MROH1: variants seen among roughly 807,000 people sequenced by gnomAD.
The protein encoded by MROH1 is maestro heat-like repeat-containing protein family member 1.
MROH1 carries 117 observed loss-of-function variants against 116.5 expected under a neutral mutation model. The observed-to-expected ratio is 1.00, with a 90% CI of 0.86 to 1.17. The LOEUF is 1.17. Ranked by LOEUF, MROH1 falls within the 50% of genes most tolerant of loss-of-function variation. The probability of loss-of-function intolerance (pLI) is 0.00; values close to 1 mark genes in which losing one functional copy is unlikely to be tolerated. For synonymous variants in MROH1, 921 were observed against 583.9 expected (o/e 1.58, Z -8.32); for missense variants, 1,873 against 1,338.5 (o/e 1.40, Z -6.23).
intron 22 of MROH1, 80 bp downstream of exon 22, chr8:144,241,597 A>T (rs1420979061): frequency 1.6e-5 from 12 of 771,476 alleles, no homozygotes; most frequent in Non-Finnish European, 2.9e-5. Context: ...TGCGGGCTGG[A>T]GTGGGGCAGG....
chr8:144,189,664 C>T (rs1270181333), intron 7 of MROH1, among the ~76,000 whole-genome samples: 1 of 152,212 alleles, frequency 6.6e-6, no homozygotes, highest in Non-Finnish European at 1.5e-5. Flanking sequence ...GCCGCCCACC[C>T]GTGGGAGGGC....
Position 144,207,741 on chromosome 8 carries a change from A to G in MROH1, c.1141+7200A>G, listed in dbSNP as rs1425486318. 3.3e-5 allele frequency among the ~76,000 whole-genome samples: 5 copies of G among 152,190 alleles called. 1 individual carries two copies. The highest frequency in any genetic ancestry group is 7.3e-5 in the Non-Finnish European group (5 of 68,044). ...TTTTGTAGTGTTCTTTATTGGATACATAGAGACATAAATATATGTTTTTAT... is the reference window on the plus strand; with the variant it reads ...TTTTGTAGTGTTCTTTATTGGATACGTAGAGACATAAATATATGTTTTTAT... On this transcript the variant is annotated intron_variant, in intron 12 of 43. Transcript: ENST00000326134.
intron 10 of MROH1, among the ~76,000 whole-genome samples, chr8:144,193,796 A>G (rs892928928): frequency 5.3e-5 from 8 of 151,916 alleles, no homozygotes; most frequent in African/African-American, 1.9e-4. Flanking sequence ...TTTAGTAGAG[A>G]TGGGGTTTCA....
chr8:144,245,038 C>T, intron 28 of MROH1, 118 bp from the exon 29 acceptor site: 2 of 749,410 alleles, frequency 2.7e-6, no homozygotes, highest in Non-Finnish European at 4.9e-6. Flanking sequence ...CCGGCTTGGC[C>T]CCCTGTAGCC....
At chr8:144,172,421 T>C (rs1822699031) in intron 4 of MROH1, among the ~76,000 whole-genome samples, 2 of 151,706 alleles carry the variant, frequency 1.3e-5, no homozygotes, top group African/African-American at 4.8e-5. Context: ...TTCTTTTTTT[T>C]TTTCCCCCGA....
At position 144,260,679 on chromosome 8, in the gene MROH1, G is replaced by C; in HGVS notation, c.4383G>C (p.Glu1461Asp). The C allele has an allele frequency of 1.3e-6, 1 of 779,100 alleles. No individual in the cohort carries two copies. Among genetic ancestry groups the C allele is most frequent in the South Asian group, 1.3e-5 (1 of 74,604 alleles). 48.3% of individuals were successfully genotyped at this position (779,100 alleles called of 1,614,324 possible). A position where few individuals can be genotyped will look rare whatever the true frequency, so the allele number is the denominator to read the frequency against. ...AIRIRPFFDS[E>D]KMEFRTASIR... is the part of the protein sequence containing the mutation. ...CGTATGCTGCATGTCCTTCCCAGGA[G>C]AAGATGGAGTTCCGGACGGCATCTA... The change falls in exon 40 of 44, where the codon GAG becomes GAC. Residue 1461 changes from glutamate (E) to aspartate (D), a missense_variant and splice_region_variant. By Grantham distance (45) the Glu-to-Asp change is conservative (BLOSUM62 2). Transcript: ENST00000326134.
chr8:144,160,588 C>T (rs112946522), intron 1 of MROH1, among the ~76,000 whole-genome samples: 37 of 147,696 alleles, frequency 2.5e-4, no homozygotes, highest in African/African-American at 8.8e-4. Flanking sequence ...ACCCAGGCAC[C>T]AGACAAATTT....
intron 14 of MROH1, among the ~76,000 whole-genome samples, 163 bp from the exon 15 acceptor site, chr8:144,238,593 G>A (rs1383613104): frequency 6.6e-6 from 1 of 152,216 alleles, no homozygotes; most frequent in Non-Finnish European, 1.5e-5. Flanking sequence ...TGCTTTCTTG[G>A]GTGATCTTAG....
At chr8:144,154,672 T>G (rs1441898667) in intron 1 of MROH1, among the ~76,000 whole-genome samples, 3 of 151,704 alleles carry the variant, frequency 2.0e-5, no homozygotes, top group Non-Finnish European at 4.4e-5. Context: ...CATCTTTTTT[T>G]TTTTTTTTTT....
rs1327217261 is a variant in MROH1, at chr8:144,251,034, C to T, written c.3428+668C>T. 15 of 167,274 alleles carry T rather than the reference C, an allele frequency of 9.0e-5. No individual in the cohort carries two copies. The East Asian group carries it at 2.4e-3, about 27-fold the overall frequency. The allele number at this position is 167,274 out of a possible 1,614,324, so 10.4% of individuals were successfully genotyped here. ...CCCAGGGGCACCTGGCTTCCTGTGA[C>T]CTCCGGGAGACTCCATGCTGGGCAA... On this transcript the variant is annotated intron_variant, in intron 33 of 43. Coordinates refer to ENST00000326134, the MANE Select transcript of MROH1 (RefSeq NM_032450.3).
intron 1 of MROH1, among the ~76,000 whole-genome samples, chr8:144,159,544 C>A (rs911636237): frequency 1.2e-4 from 18 of 152,296 alleles, no homozygotes; most frequent in African/African-American, 2.9e-4. Flanking sequence ...TTTCTTGTAA[C>A]TAATGCCAGC....
At chr8:144,201,863 T>TA (rs1564462563) in intron 12 of MROH1, among the ~76,000 whole-genome samples, 17 of 152,052 alleles carry the variant, frequency 1.1e-4, no homozygotes, top group East Asian at 1.9e-4. Context: ...AAATATATAT[T>TA]AAAAAAAATT....
In MROH1 at chr8:144,191,698, C is replaced by T. The variant is rs371413074; in HGVS notation, c.715-17C>T. ...TGACTGAGCAGCGTAAGCTTCCCGC[C>T]CACTGTCCCCTCTCAGCTCCGTCTT... On this transcript the variant is annotated splice_polypyrimidine_tract_variant and intron_variant, in intron 8 of 43. Coordinates refer to ENST00000326134, the MANE Select transcript of MROH1 (RefSeq NM_032450.3). 1.9e-6 allele frequency: 3 copies of T among 1,611,484 alleles called. No homozygotes were observed. Among genetic ancestry groups the T allele is most frequent in the Non-Finnish European group, 1.7e-6 (2 of 1,179,466 alleles).
At chr8:144,203,514 G>C (rs1362933763) in intron 12 of MROH1, among the ~76,000 whole-genome samples, 1 of 151,302 alleles carries the variant, frequency 6.6e-6, no homozygotes, top group Admixed American at 6.6e-5. Flanking sequence ...GGGAGTGCCT[G>C]CTCTCTGTGG....
chr8:144,159,438 G>GT (rs1207240497), intron 1 of MROH1, among the ~76,000 whole-genome samples: 4 of 152,156 alleles, frequency 2.6e-5, no homozygotes, highest in Non-Finnish European at 4.4e-5. Context: ...ATTTTTATTA[G>GT]TTTTGGCTTT....
At chr8:144,261,621 C>T in intron 43 of MROH1, 34 bp from the exon 44 acceptor site, 1 of 702,660 alleles carries the variant, frequency 1.4e-6, no homozygotes. Context: ...GCCGAGGTCA[C>T]AGCCCGCAGG....
chr8:144,206,149 A>G (rs1168610622), intron 12 of MROH1, among the ~76,000 whole-genome samples: 1 of 152,144 alleles, frequency 6.6e-6, no homozygotes, highest in Non-Finnish European at 1.5e-5. Flanking sequence ...TCACGGGTTC[A>G]AGGGATCTTC....
At chr8:144,156,705 T>A (rs1818183642) in intron 1 of MROH1, among the ~76,000 whole-genome samples, 1 of 26,726 alleles carries the variant, frequency 3.7e-5, no homozygotes, top group Non-Finnish European at 6.7e-5. Flanking sequence ...CAAGACTCTG[T>A]CTCAAAAAAA....
In MROH1 at chr8:144,180,246, C is replaced by T. The variant is rs1323050902; in HGVS notation, c.369C>T (p.Ser123=). 6.8e-6 allele frequency: 11 copies of T among 1,613,108 alleles called. No homozygotes were observed. The South Asian group carries it at 1.2e-4, about 18-fold the overall frequency. The change falls in exon 6 of 44, where the codon AGC becomes AGT. Residue 123 remains serine, a synonymous_variant. Coordinates refer to ENST00000326134, the MANE Select transcript of MROH1 (RefSeq NM_032450.3). The surrounding 1 kb of genome is among the most constrained non-coding windows in gnomAD (Gnocchi z 7.4). ...VLVAVGRQFI[S]KVMEELLRRL... is the part of the protein sequence containing the mutation. ...TGGCCGTGGGAAGACAGTTCATCAG[C>T]AAGGTGATGGAGGAGCTGCTGCGCA...
Sources: gnomAD v4.1 joint callset for allele counts (sites outside exome capture counted in the v4.1 genomes callset) on GRCh38, gnomAD v4.1.1 for gene constraint, Gnocchi (gnomAD v3.1) non-coding constraint, MANE v1.5 for transcripts, NCBI Gene and HGNC (gene_info 2026-07-23, HGNC 2026-07-21) for gene names.